The following HTRA3 variants were observed in gnomAD, a reference collection of about 807,000 sequenced individuals.
HTRA3 encodes HtrA serine peptidase 3, also known as serine protease HTRA3.
A neutral mutation model predicts 43.2 loss-of-function variants in HTRA3; 41 were observed. The ratio of observed to expected loss-of-function variants is 0.95; its 90% CI spans 0.74 to 1.23. The LOEUF is 1.23. Among genes scored for constraint, HTRA3 ranks in the 50% most tolerant of loss-of-function variants. The pLI is 0.00. For missense variants in HTRA3, 628 were observed against 647.1 expected (o/e 0.97, Z 0.32); for synonymous variants, 295 against 287.9 (o/e 1.02, Z -0.25).
rs1696816398 is a variant in HTRA3 at position 8,279,378 on chromosome 4, A to G, written c.386-3059A>G. 6.6e-6 allele frequency among the ~76,000 whole-genome samples: 1 copy of G among 152,162 alleles called. No homozygotes were observed. Among genetic ancestry groups the G allele is most frequent in the Admixed American group, 6.5e-5 (1 of 15,282 alleles). ...TTTAAAACAAATCATCCCCTATAAA[A>G]TCGAGTGTCACCTATTTTAAGTGAC... On this transcript the variant is annotated intron_variant, in intron 1 of 8. Coordinates refer to ENST00000307358, the MANE Select transcript of HTRA3 (RefSeq NM_053044.5). This position sits in a 1 kb window ranked among gnomAD's most constrained non-coding sequence, Gnocchi z 7.4.
chr4:8,295,975 G>T lies in HTRA3; in HGVS notation c.1051+1774G>T. The stretch of plus-strand genomic sequence containing the variant: ...AATCTCTTGAGCCCTTTTCCTGTTG[G>T]CTTCTAGGAAGCTCAGAGCTAGATT... On this transcript the variant is annotated intron_variant, in intron 6 of 8. Coordinates refer to ENST00000307358, the MANE Select transcript of HTRA3 (RefSeq NM_053044.5). The surrounding 1 kb of genome is among the most constrained non-coding windows in gnomAD (Gnocchi z 6.9). 1.7e-6 allele frequency: 2 copies of T among 1,206,828 alleles called. No homozygotes were observed. The highest frequency in any genetic ancestry group is 2.1e-6 in the Non-Finnish European group (2 of 972,098). The allele number at this position is 1,206,828 out of a possible 1,614,324, so 74.8% of individuals were successfully genotyped here.
At position 8,306,128 on chromosome 4, in the gene HTRA3, G is replaced by T. The variant is rs781370482; in HGVS notation, c.1354G>T (p.Val452Phe). The change falls in exon 9 of 9, where the codon GTC becomes TTC. Residue 452 changes from valine to phenylalanine, a missense_variant. Transcript: ENST00000307358. The surrounding 1 kb of genome is among the most constrained non-coding windows in gnomAD (Gnocchi z 8.9). Reference sequence around the variant, plus strand: ...CCTCTTCAGCATCGCACCTGAGGTGGTCATGTGAGGGGCGCATTCCTCCAG... The same window carrying T: ...CCTCTTCAGCATCGCACCTGAGGTGTTCATGTGAGGGGCGCATTCCTCCAG... ...DLLFSIAPEVVM is the reference protein window; with the variant it reads ...DLLFSIAPEVFM 4.4e-6 allele frequency: 7 copies of T among 1,580,236 alleles called. No homozygotes were observed. In the South Asian group the frequency reaches 6.9e-5, roughly 16 times the overall value.
chr4:8,283,855 G>A (rs890394487), intron 2 of HTRA3, among the ~76,000 whole-genome samples: 1 of 152,182 alleles, frequency 6.6e-6, no homozygotes, highest in Non-Finnish European at 1.5e-5. Context: ...GCATCTGGTG[G>A]CTCATGGGGA....
chr4:8,306,050 G>A lies in HTRA3; in HGVS notation c.1276G>A (p.Val426Met), dbSNP rs1286807882. The A allele has an allele frequency of 1.4e-5, 22 of 1,612,802 alleles. No individual in the cohort carries two copies. Among genetic ancestry groups the A allele is most frequent in the Non-Finnish European group, 1.5e-5 (18 of 1,179,492 alleles). Residue 426 changes from valine to methionine, a missense_variant, in exon 9 of 9, where the codon GTG (valine) becomes ATG (methionine). Val to Met is a conservative substitution (Grantham distance 21). Transcript: ENST00000307358. This position sits in a 1 kb window ranked among gnomAD's most constrained non-coding sequence, Gnocchi z 8.9. ...LVDSSELQEA[V>M]LTESPLLLEV... ...GGACTCGAGTGAGCTGCAGGAGGCC[G>A]TGCTGACCGAGTCTCCTCTCCTACT... is the stretch of plus-strand genomic sequence containing the variant.
At chr4:8,291,325 G>T in intron 3 of HTRA3, 45 bp from the exon 4 acceptor site, 1 of 1,550,098 alleles carries the variant, frequency 6.5e-7, no homozygotes. Context: ...GCTGAAGGTA[G>T]ACGGCTAAGC....
At chr4:8,272,998 G>A (rs149852977) in intron 1 of HTRA3, among the ~76,000 whole-genome samples, 21 of 152,328 alleles carry the variant, frequency 1.4e-4, no homozygotes, top group African/African-American at 4.1e-4. Context: ...GAGGCCTTGG[G>A]TGCCCGGCCT....
chr4:8,302,411 T>C (rs1186525116), intron 6 of HTRA3, 52 bp from the exon 7 acceptor site: 5 of 1,557,968 alleles, frequency 3.2e-6, no homozygotes, highest in Non-Finnish European at 4.4e-6. Flanking sequence ...TGAGGGAGCG[T>C]GGTGGCTTTT....
At chr4:8,294,991 C>A (rs1252996021) in intron 6 of HTRA3, among the ~76,000 whole-genome samples, 1 of 152,002 alleles carries the variant, frequency 6.6e-6, no homozygotes, top group African/African-American at 2.4e-5. Context: ...TCCATCCATC[C>A]ATCTACTCAT....
intron 5 of HTRA3, among the ~76,000 whole-genome samples, chr4:8,293,076 G>C (rs1046193515): frequency 4.6e-5 from 7 of 152,194 alleles, no homozygotes; most frequent in Non-Finnish European, 4.4e-5. Flanking sequence ...GAGGCTCTCA[G>C]AGGCTTAGGG....
chr4:8,274,570 T>C (rs1425120540), intron 1 of HTRA3, among the ~76,000 whole-genome samples: 2 of 152,222 alleles, frequency 1.3e-5, no homozygotes, highest in African/African-American at 2.4e-5. Context: ...CCTTCTTGCA[T>C]CCCTCCAGTG....
At chr4:8,289,483 A>C (rs577940637) in intron 3 of HTRA3, among the ~76,000 whole-genome samples, 1 of 152,198 alleles carries the variant, frequency 6.6e-6, no homozygotes, top group Non-Finnish European at 1.5e-5. Flanking sequence ...GAGCGAGACT[A>C]GGGGCAGGTC....
At chr4:8,282,569 C>T (rs199918421) in intron 2 of HTRA3, 33 bp downstream of exon 2, 293 of 1,495,712 alleles carry the variant, frequency 2.0e-4, no homozygotes, top group Non-Finnish European at 2.6e-4. Context: ...TCTCTGCCTC[C>T]TGGTGTCCCC....
In HTRA3 at chr4:8,286,829, T is replaced by C. The variant is rs1190189480; in HGVS notation, c.708+46T>C. 6.9e-7 allele frequency: 1 copy of C among 1,447,284 alleles called. No individual in the cohort carries two copies. The highest frequency in any genetic ancestry group is 9.6e-7 in the Non-Finnish European group (1 of 1,045,458). 89.7% of individuals were successfully genotyped at this position (1,447,284 alleles called of 1,614,324 possible). A position where few individuals can be genotyped will look rare whatever the true frequency, so the allele number is the denominator to read the frequency against. ...GGGCGGAAGCACCTGGGGCTGGGCA[T>C]GGTGGCCTCTTCCCAGACGCCGGAA... On this transcript the variant is annotated intron_variant, in intron 3 of 8. Transcript: ENST00000307358. This position sits in a 1 kb window ranked among gnomAD's most constrained non-coding sequence, Gnocchi z 4.9.
intron 2 of HTRA3, among the ~76,000 whole-genome samples, chr4:8,283,251 G>C (rs987178733): frequency 6.6e-6 from 1 of 152,174 alleles, no homozygotes; most frequent in Non-Finnish European, 1.5e-5. Context: ...ATAGGGAAGC[G>C]GGATGTCCCA....
chr4:8,287,898 T>C (rs1482328796), intron 3 of HTRA3, among the ~76,000 whole-genome samples: 1 of 152,216 alleles, frequency 6.6e-6, no homozygotes, highest in Non-Finnish European at 1.5e-5. Context: ...AATGCCATGC[T>C]TATGTGACCC....
At chr4:8,271,778 C>G (rs185959928) in intron 1 of HTRA3, among the ~76,000 whole-genome samples, 2 of 152,192 alleles carry the variant, frequency 1.3e-5, no homozygotes, top group African/African-American at 4.8e-5. Flanking sequence ...CTTCTGCCCA[C>G]GCTCGAAAGG....
intron 1 of HTRA3, among the ~76,000 whole-genome samples, chr4:8,275,891 G>A (rs1297479955): frequency 6.6e-6 from 1 of 152,248 alleles, no homozygotes; most frequent in Non-Finnish European, 1.5e-5. Flanking sequence ...TGGTTCCCCA[G>A]CCAGTGCTCT....
chr4:8,296,758 G>A lies in HTRA3; in HGVS notation c.1051+2557G>A, dbSNP rs977880649. On this transcript the variant is annotated intron_variant, in intron 6 of 8. Coordinates refer to ENST00000307358, the MANE Select transcript of HTRA3 (RefSeq NM_053044.5). This position sits in a 1 kb window ranked among gnomAD's most constrained non-coding sequence, Gnocchi z 5.3. ...CCCTCTGTGGACTGTGGGGAACAGT[G>A]CAGTTCATAGGTGGGAGACCTCTGG... is the stretch of plus-strand genomic sequence containing the variant. 6.6e-5 allele frequency among the ~76,000 whole-genome samples: 10 copies of A among 152,314 alleles called. No individual in the cohort carries two copies. The East Asian group carries it at 1.9e-3, about 30-fold the overall frequency.
At chr4:8,273,977 C>T (rs983055777) in intron 1 of HTRA3, among the ~76,000 whole-genome samples, 6 of 152,130 alleles carry the variant, frequency 3.9e-5, no homozygotes, top group Admixed American at 2.0e-4. Context: ...TCTCCTGGGG[C>T]GCTCTGACTT....
Sources: gnomAD v4.1 joint callset for allele counts (sites outside exome capture counted in the v4.1 genomes callset) on GRCh38, gnomAD v4.1.1 for gene constraint, Gnocchi (gnomAD v3.1) non-coding constraint, MANE v1.5 for transcripts, NCBI Gene and HGNC (gene_info 2026-07-23, HGNC 2026-07-21) for gene names.